Variants in RAD51B observed in about 807,000 individuals in gnomAD.
The protein encoded by RAD51B is RAD51 paralog B.
In RAD51B, 38 loss-of-function variants were observed where a neutral mutation model predicts 42.2. The ratio of observed to expected loss-of-function variants is 0.90; its 90% CI spans 0.70 to 1.18. RAD51B has a LOEUF of 1.18. Among genes scored for constraint, RAD51B ranks in the 50% most tolerant of loss-of-function variants. RAD51B has a pLI of 0.00. For synonymous variants in RAD51B, 154 were observed against 145.2 expected (o/e 1.06, Z -0.43); for missense variants, 373 against 400.7 (o/e 0.93, Z 0.59).
At chr14:67,972,853 C>T (rs1051305498) in intron 7 of RAD51B, among the ~76,000 whole-genome samples, 3 of 152,038 alleles carry the variant, frequency 2.0e-5, no homozygotes, top group Admixed American at 2.0e-4. Context: ...TTGCTTGAAA[C>T]CCATGACATC....
At chr14:67,866,506 A>T (rs548973868) in intron 5 of RAD51B, among the ~76,000 whole-genome samples, 1 of 152,368 alleles carries the variant, frequency 6.6e-6, no homozygotes, top group South Asian at 2.1e-4. Context: ...GAATTCAAAG[A>T]TTAAGATTAT....
At chr14:68,330,263 C>G (rs2082323189) in intron 8 of RAD51B, among the ~76,000 whole-genome samples, 1 of 151,974 alleles carries the variant, frequency 6.6e-6, no homozygotes, top group Non-Finnish European at 1.5e-5. Flanking sequence ...TGAAAGTAGG[C>G]TATTTAACTA....
intron 10 of RAD51B, among the ~76,000 whole-genome samples, chr14:68,473,300 G>A (rs1882245750): frequency 6.6e-6 from 1 of 152,202 alleles, no homozygotes; most frequent in Non-Finnish European, 1.5e-5. Context: ...GGAGAAGAAG[G>A]CAAAGCAGGC....
At chr14:68,572,092 T>C (rs908179567) in intron 10 of RAD51B, among the ~76,000 whole-genome samples, 3 of 152,234 alleles carry the variant, frequency 2.0e-5, no homozygotes, top group Non-Finnish European at 2.9e-5. Context: ...TCATACGTCA[T>C]GCAAACAGGC....
At chr14:67,839,057 T>A (rs2041341390) in intron 4 of RAD51B, among the ~76,000 whole-genome samples, 2 of 152,178 alleles carry the variant, frequency 1.3e-5, no homozygotes, top group South Asian at 4.1e-4. Context: ...GGTCATGATA[T>A]ATTATCTTTT....
At chr14:68,132,332 A>G (rs1023305964) in intron 7 of RAD51B, among the ~76,000 whole-genome samples, 2 of 152,238 alleles carry the variant, frequency 1.3e-5, no homozygotes, top group African/African-American at 4.8e-5. Flanking sequence ...GAATATCCAC[A>G]AAGGTTATGT....
intron 9 of RAD51B, among the ~76,000 whole-genome samples, chr14:68,463,258 A>G (rs957857819): frequency 3.9e-5 from 6 of 152,216 alleles, no homozygotes; most frequent in Admixed American, 6.5e-5. Context: ...GGAGGAATCT[A>G]TATGTATCCA....
At chr14:68,378,279 A>T (rs1263147477) in intron 8 of RAD51B, among the ~76,000 whole-genome samples, 1 of 152,158 alleles carries the variant, frequency 6.6e-6, no homozygotes, top group East Asian at 1.9e-4. Flanking sequence ...TCCTGTTTTC[A>T]ATCACTATAT....
At chr14:68,041,728 T>C (rs1409909796) in intron 7 of RAD51B, among the ~76,000 whole-genome samples, 1 of 152,216 alleles carries the variant, frequency 6.6e-6, no homozygotes. Context: ...ATAGTTTTAA[T>C]AGTATGGATG....
At chr14:68,274,754 A>G (rs565287991) in intron 7 of RAD51B, among the ~76,000 whole-genome samples, 20 of 152,338 alleles carry the variant, frequency 1.3e-4, no homozygotes, top group African/African-American at 4.8e-4. Context: ...TGGATATCAA[A>G]TGCCCTATAT....
At chr14:68,561,756 A>G (rs1375389675) in intron 10 of RAD51B, among the ~76,000 whole-genome samples, 1 of 152,184 alleles carries the variant, frequency 6.6e-6, no homozygotes, top group Non-Finnish European at 1.5e-5. Flanking sequence ...CATCATTCTG[A>G]GACGGGAGCT....
At chr14:68,673,214 G>T (rs1426677635) in intron 11 of RAD51B, among the ~76,000 whole-genome samples, 1 of 152,192 alleles carries the variant, frequency 6.6e-6, no homozygotes, top group Non-Finnish European at 1.5e-5. Flanking sequence ...CAAGAAAAAT[G>T]ATCTGAAAAT....
intron 8 of RAD51B, among the ~76,000 whole-genome samples, chr14:68,397,443 C>T (rs116996368): frequency 0.022 from 3,408 of 152,350 alleles, 53 homozygotes; most frequent in South Asian, 0.045. Flanking sequence ...TACTTGACTG[C>T]CCTACCCTCC....
chr14:68,102,408 C>T (rs2140555735), intron 7 of RAD51B, among the ~76,000 whole-genome samples: 1 of 152,240 alleles, frequency 6.6e-6, no homozygotes, highest in East Asian at 1.9e-4. Context: ...CAATGCCAAA[C>T]CATCTCTCTC....
At chr14:68,577,037 C>A (rs1369533779) in intron 10 of RAD51B, among the ~76,000 whole-genome samples, 1 of 152,150 alleles carries the variant, frequency 6.6e-6, no homozygotes. Flanking sequence ...AACACAAGAC[C>A]AATGTCTTCT....
chr14:68,282,852 C>A (rs1325910423), intron 7 of RAD51B, among the ~76,000 whole-genome samples: 1 of 152,126 alleles, frequency 6.6e-6, no homozygotes, highest in Non-Finnish European at 1.5e-5. Flanking sequence ...AAGCAGTAAG[C>A]CCAGAGTTGC....
chr14:68,243,482 T>C (rs567941405), intron 7 of RAD51B, among the ~76,000 whole-genome samples: 2 of 152,338 alleles, frequency 1.3e-5, no homozygotes, highest in Non-Finnish European at 2.9e-5. Flanking sequence ...TTTTATATTT[T>C]CCGAGACCTA....
At chr14:67,966,406 C>G (rs2074778347) in intron 7 of RAD51B, among the ~76,000 whole-genome samples, 2 of 152,230 alleles carry the variant, frequency 1.3e-5, no homozygotes, top group Admixed American at 1.3e-4. Context: ...TCTGCTCAAC[C>G]TTTGTCCTTT....
chr14:68,338,995 C>T, intron 8 of RAD51B: 1 of 657,564 alleles, frequency 1.5e-6, no homozygotes, highest in Non-Finnish European at 2.8e-6. Context: ...TAAGGGACCC[C>T]CTTTTTACAA....
Sources: allele counts gnomAD v4.1 joint callset (sites outside exome capture counted in the v4.1 genomes callset), GRCh38; gene constraint gnomAD v4.1.1; transcripts MANE v1.5; gene names NCBI Gene and HGNC (gene_info 2026-07-23, HGNC 2026-07-21).